The following PACSIN2 variants were observed in gnomAD, a reference collection of about 807,000 sequenced individuals.
PACSIN2 encodes protein kinase C and casein kinase substrate in neurons 2.
A neutral mutation model predicts 63.8 loss-of-function variants in PACSIN2; 25 were observed. That is an observed-to-expected ratio of 0.39 (90% CI 0.29 to 0.55). The LOEUF is 0.55. PACSIN2 is among the 20% of genes least tolerant of loss of function. PACSIN2 has a pLI of 0.62. For synonymous variants in PACSIN2, 255 were observed against 256.2 expected (o/e 1.00, Z 0.05); for missense variants, 518 against 646.9 (o/e 0.80, Z 2.16).
chr22:43,012,496 T>C (rs1193062960), intron 1 of PACSIN2, among the ~76,000 whole-genome samples: 1 of 152,008 alleles, frequency 6.6e-6, no homozygotes, highest in Non-Finnish European at 1.5e-5. Flanking sequence ...ATTTATTTAT[T>C]TTTAAACAGA....
chr22:42,951,628 C>A (rs1367210947), intron 1 of PACSIN2, among the ~76,000 whole-genome samples: 2 of 152,082 alleles, frequency 1.3e-5, no homozygotes, highest in African/African-American at 4.8e-5. Context: ...TCATCCCTGA[C>A]TCCTCTCCTC....
intron 1 of PACSIN2, among the ~76,000 whole-genome samples, chr22:42,971,524 G>A (rs1419580696): frequency 6.6e-6 from 1 of 152,054 alleles, no homozygotes; most frequent in Non-Finnish European, 1.5e-5. Flanking sequence ...GGGAAGTGAG[G>A]AGCGTCTCTG....
rs2899365 is a variant in PACSIN2 at position 42,882,214 on chromosome 22, C to T, written c.876G>A (p.Pro292=). The T allele has an allele frequency of 0.46, 737,765 of 1,613,346 alleles. 173,770 individuals carry two copies. Among genetic ancestry groups the T allele is most frequent in the Non-Finnish European group, 0.49 (573,903 of 1,179,552 alleles). ...DLRWFRANHG[P]GMAMNWPQFE... The stretch of plus-strand genomic sequence containing the variant: ...ACTGCGGCCAGTTCATGGCCATGCC[C>T]GGCCCGTGATTGGCTCGGAACCACC... Residue 292 remains proline (P), a synonymous_variant, in exon 7 of 11, where the codon CCG becomes CCA. Coordinates refer to ENST00000263246, the MANE Select transcript of PACSIN2 (RefSeq NM_001184970.3).
chr22:42,906,438 T>C (rs1310155410), intron 2 of PACSIN2, among the ~76,000 whole-genome samples: 1 of 152,172 alleles, frequency 6.6e-6, no homozygotes, highest in Non-Finnish European at 1.5e-5. Flanking sequence ...TAAAAACACG[T>C]AATTCTGAAG....
chr22:42,987,046 T>C (rs1400245110), intron 1 of PACSIN2, among the ~76,000 whole-genome samples: 1 of 152,088 alleles, frequency 6.6e-6, no homozygotes, highest in Non-Finnish European at 1.5e-5. Context: ...TCAGACAGCC[T>C]GTAGAGTCCA....
intron 1 of PACSIN2, among the ~76,000 whole-genome samples, chr22:42,983,487 C>A (rs61070938): frequency 1.6e-4 from 2 of 12,674 alleles, no homozygotes; most frequent in Non-Finnish European, 2.1e-4. Context: ...GAGACTCCAT[C>A]TCAAAAAAAA....
chr22:42,920,274 C>T (rs927911607), intron 1 of PACSIN2, among the ~76,000 whole-genome samples: 16 of 152,186 alleles, frequency 1.1e-4, no homozygotes, highest in Admixed American at 2.0e-4. Flanking sequence ...CTCACTCTCA[C>T]GGGCTACCCT....
intron 1 of PACSIN2, among the ~76,000 whole-genome samples, chr22:42,942,104 T>C (rs1933196474): frequency 6.6e-6 from 1 of 150,736 alleles, no homozygotes; most frequent in Admixed American, 6.6e-5. Context: ...AGAGTTCTTT[T>C]TTTTTTTTTT....
intron 2 of PACSIN2, among the ~76,000 whole-genome samples, chr22:42,897,098 G>A (rs1050866781): frequency 1.3e-5 from 2 of 151,956 alleles, no homozygotes; most frequent in African/African-American, 4.8e-5. Flanking sequence ...CACCACACCT[G>A]GCTAATTTTT....
At chr22:42,942,004 T>G (rs1055412328) in intron 1 of PACSIN2, among the ~76,000 whole-genome samples, 1 of 152,128 alleles carries the variant, frequency 6.6e-6, no homozygotes, top group African/African-American at 2.4e-5. Context: ...CTCGAACTCT[T>G]GACCTCAGGT....
intron 1 of PACSIN2, chr22:42,993,919 G>A (rs1923221955): frequency 6.6e-6 from 1 of 152,322 alleles, no homozygotes; most frequent in African/African-American, 2.4e-5. Flanking sequence ...CTGAAGAAGG[G>A]AAGTGCCTTG....
chr22:42,967,305 G>GA (rs1330957888), intron 1 of PACSIN2, among the ~76,000 whole-genome samples: 1 of 152,176 alleles, frequency 6.6e-6, no homozygotes, highest in African/African-American at 2.4e-5. Flanking sequence ...GGACCAGATA[G>GA]AAGATCCCAA....
At chr22:42,948,805 T>C (rs1601564965) in intron 1 of PACSIN2, among the ~76,000 whole-genome samples, 2 of 152,214 alleles carry the variant, frequency 1.3e-5, no homozygotes, top group Admixed American at 1.3e-4. Flanking sequence ...TAGAGAAGAA[T>C]ATGGAGCCAG....
chr22:42,902,721 C>T (rs1930781529), intron 2 of PACSIN2, among the ~76,000 whole-genome samples: 1 of 152,182 alleles, frequency 6.6e-6, no homozygotes, highest in Admixed American at 6.5e-5. Context: ...TCAAGCGATT[C>T]TCCTGCCTCA....
intron 1 of PACSIN2, among the ~76,000 whole-genome samples, chr22:42,954,184 A>G (rs1933819045): frequency 6.6e-6 from 1 of 152,154 alleles, no homozygotes; most frequent in Non-Finnish European, 1.5e-5. Context: ...AATCACTTGA[A>G]CCTGGGAGGC....
At chr22:42,999,250 G>T (rs1396519029) in intron 1 of PACSIN2, among the ~76,000 whole-genome samples, 2 of 152,222 alleles carry the variant, frequency 1.3e-5, no homozygotes, top group Non-Finnish European at 2.9e-5. Flanking sequence ...CCTCCTGTAA[G>T]TGGTTTAAGC....
chr22:42,892,997 T>C (rs946023788), intron 3 of PACSIN2, among the ~76,000 whole-genome samples: 2 of 152,238 alleles, frequency 1.3e-5, no homozygotes, highest in Admixed American at 6.5e-5. Context: ...GTGAAACCTC[T>C]GCCATACAAC....
At chr22:42,905,221 A>T (rs1930989138) in intron 2 of PACSIN2, among the ~76,000 whole-genome samples, 1 of 152,262 alleles carries the variant, frequency 6.6e-6, no homozygotes, top group Non-Finnish European at 1.5e-5. Context: ...ATTCAGAATG[A>T]TGGCATTCAC....
At chr22:42,937,459 A>G (rs1436130514) in intron 1 of PACSIN2, among the ~76,000 whole-genome samples, 1 of 152,038 alleles carries the variant, frequency 6.6e-6, no homozygotes, top group Non-Finnish European at 1.5e-5. Context: ...GACAAAACAA[A>G]ATGACCTCTT....
Sources: allele counts gnomAD v4.1 joint callset (sites outside exome capture counted in the v4.1 genomes callset), GRCh38; gene constraint gnomAD v4.1.1; transcripts MANE v1.5; gene names NCBI Gene and HGNC (gene_info 2026-07-23, HGNC 2026-07-21).